SCRN1: variants seen among roughly 807,000 people sequenced by gnomAD.
The protein encoded by SCRN1 is secernin 1.
In SCRN1, 19 loss-of-function variants were observed where a neutral mutation model predicts 43.3. That is an observed-to-expected ratio of 0.44 (90% CI 0.31 to 0.64). The LOEUF is 0.64. SCRN1 is among the 30% of genes least tolerant of loss of function. The pLI is 0.09. For synonymous variants in SCRN1, 183 were observed against 188.9 expected, an observed-to-expected ratio of 0.97 and a Z score of 0.26; for missense variants, 447 against 524.1, an observed-to-expected ratio of 0.85 and a Z score of 1.44.
At chr7:29,968,277 G>A (rs908163827) in intron 2 of SCRN1, among the ~76,000 whole-genome samples, 1 of 152,150 alleles carries the variant, frequency 6.6e-6, no homozygotes, top group Non-Finnish European at 1.5e-5. Context: ...TCCATAGAAT[G>A]AAACACCATG....
chr7:29,990,190 C>G, upstream of SCRN1: 1 of 1,551,708 alleles, frequency 6.4e-7, no homozygotes, highest in Non-Finnish European at 8.7e-7. Flanking sequence ...ACCTTGTTGA[C>G]TCGCACGTCC....
At chr7:29,963,024 A>G (rs1340089118) in intron 2 of SCRN1, among the ~76,000 whole-genome samples, 2 of 151,908 alleles carry the variant, frequency 1.3e-5, no homozygotes, top group African/African-American at 4.8e-5. Context: ...AGTCACAGCA[A>G]TTCTCATTAG....
chr7:29,968,813 T>C, intron 2 of SCRN1, 96 bp downstream of exon 2: 1 of 1,469,526 alleles, frequency 6.8e-7, no homozygotes, highest in Non-Finnish European at 9.4e-7. Flanking sequence ...TAGCTCTGAC[T>C]TGTGAGCAAG....
intron 1 of SCRN1, among the ~76,000 whole-genome samples, chr7:29,977,176 G>A (rs1044937247): frequency 1.3e-5 from 2 of 152,168 alleles, no homozygotes; most frequent in Non-Finnish European, 2.9e-5. Context: ...CGTCTTGCAA[G>A]TACCGATGAC....
At chr7:29,959,825 C>T (rs2128095199) in intron 2 of SCRN1, among the ~76,000 whole-genome samples, 1 of 151,996 alleles carries the variant, frequency 6.6e-6, no homozygotes, top group African/African-American at 2.4e-5. Flanking sequence ...GAAGGAAGCC[C>T]TCTGCTAAGC....
intron 3 of SCRN1, among the ~76,000 whole-genome samples, chr7:29,954,692 T>C (rs1481290446): frequency 6.6e-6 from 1 of 152,202 alleles, no homozygotes; most frequent in African/African-American, 2.4e-5. Context: ...CTTTGTTCAT[T>C]TGTTTTTGAT....
At position 29,924,033 on chromosome 7, in the gene SCRN1, G is replaced by T. The variant is rs774198843; in HGVS notation, c.1169C>A (p.Ser390Tyr). ...LEAMEEILTSSEPLDPAEVGD... is the reference protein window; with the variant it reads ...LEAMEEILTSYEPLDPAEVGD... ...CACTTCCGCAGGGTCCAGTGGCTCG[G>T]AGCTGGTCAGGATTTCTTCCATGGC... Residue 390 changes from serine to tyrosine, a missense_variant, in exon 8 of 8, where the codon TCC (serine) becomes TAC (tyrosine). Transcript: ENST00000242059. 2 of 1,614,162 alleles carry T rather than the reference G, an allele frequency of 1.2e-6. No homozygotes were observed. The highest frequency in any genetic ancestry group is 1.7e-6 in the Non-Finnish European group (2 of 1,180,034).
At chr7:29,989,931 G>A (rs919015216), upstream of SCRN1, 11 of 1,142,440 alleles carry the variant, frequency 9.6e-6, 1 homozygote, top group South Asian at 4.3e-5. Flanking sequence ...CACGGGCCGC[G>A]GCGCTGCTCA....
In SCRN1 at chr7:29,923,689, T is replaced by C. The variant is rs1786844990; in HGVS notation, c.*268A>G. 1 of 350,362 alleles carries C rather than the reference T, an allele frequency of 2.9e-6. No individual in the cohort carries two copies. The highest frequency in any genetic ancestry group is 5.2e-6 in the Non-Finnish European group (1 of 191,750). 21.7% of individuals were successfully genotyped at this position (350,362 alleles called of 1,614,324 possible). ...TGTGTCCATTGCCACTGAAATACAA[T>C]AATAGCAGCTTAAAATCCACAATTA... On this transcript the variant is annotated 3_prime_UTR_variant, in exon 8 of 8. Transcript: ENST00000242059.
rs748575736 is a variant in SCRN1 at position 29,955,241 on chromosome 7, T to C, written c.279A>G (p.Glu93=). 1 of 1,614,192 alleles carries C rather than the reference T, an allele frequency of 6.2e-7. No homozygotes were observed. Among genetic ancestry groups the C allele is most frequent in the South Asian group, 1.1e-5 (1 of 91,080 alleles). The part of the protein sequence containing the change: ...ANEHGVCIAN[E]AINTREPAAE... ...CAGCTGGCTCTCTGGTGTTGATGGC[T>C]TCATTGGCTATGCACACTCCATGTT... The change falls in exon 3 of 8, where the codon GAA becomes GAG. Residue 93 remains glutamate, a synonymous_variant. Coordinates refer to ENST00000242059, the MANE Select transcript of SCRN1 (RefSeq NM_014766.5).
chr7:29,954,815 G>C (rs1340414165), intron 3 of SCRN1, among the ~76,000 whole-genome samples: 1 of 152,054 alleles, frequency 6.6e-6, no homozygotes, highest in East Asian at 1.9e-4. Context: ...TGAGTAGCTG[G>C]GATTATAGGC....
At chr7:29,961,058 CTT>C (rs200892857) in intron 2 of SCRN1, among the ~76,000 whole-genome samples, 24,088 of 131,512 alleles carry the variant, frequency 0.18, 2,020 homozygotes, top group Middle Eastern at 0.25. Context: ...GATCTTATTT[CTT>C]TTTTTTTTTT....
chr7:29,990,018 C>A, upstream of SCRN1: 1 of 1,457,502 alleles, frequency 6.9e-7, no homozygotes, highest in African/African-American at 1.4e-5. Context: ...GTGGCCCCCT[C>A]TTTGCTAGAT....
chr7:29,987,815 G>A lies in SCRN1; in HGVS notation c.-2+1827C>T, dbSNP rs754940962. ...TGGATTTGGGTTCTCACTGCCAGTT[G>A]ACAGCCAGATATATGATCTTGGCGT... On this transcript the variant is annotated intron_variant, in intron 1 of 7. Transcript: ENST00000242059. Among the ~76,000 whole-genome samples the A allele has an allele frequency of 4.4e-4, 67 of 152,312 alleles. 1 individual carries two copies. Among genetic ancestry groups the A allele is most frequent in the Middle Eastern group, 6.8e-3 (2 of 294 alleles).
At chr7:29,926,722 AAG>A in intron 6 of SCRN1, 90 bp from the exon 7 acceptor site, 1 of 1,214,426 alleles carries the variant, frequency 8.2e-7, no homozygotes, top group Non-Finnish European at 1.1e-6. Flanking sequence ...AACATTTCCC[AAG>A]CCAACTTATG....
chr7:29,957,818 G>A (rs1468310865), intron 2 of SCRN1, among the ~76,000 whole-genome samples: 2 of 152,194 alleles, frequency 1.3e-5, no homozygotes, highest in Non-Finnish European at 2.9e-5. Context: ...AAGAGAGGAA[G>A]GGGCATGTGA....
intron 2 of SCRN1, among the ~76,000 whole-genome samples, chr7:29,963,140 A>T (rs575557667): frequency 5.3e-5 from 8 of 152,286 alleles, no homozygotes; most frequent in Admixed American, 3.9e-4. Context: ...TAAAGCCTGT[A>T]ATGCAGGCAG....
At chr7:29,986,768 A>AGG in intron 1 of SCRN1, among the ~76,000 whole-genome samples, 1 of 121,102 alleles carries the variant, frequency 8.3e-6, no homozygotes, top group East Asian at 2.4e-4. Flanking sequence ...TCTGTCGCCC[A>AGG]GGCTGGAGTG....
At position 29,922,078 on chromosome 7, in the gene SCRN1, A is replaced by G. The variant is rs906208384; in HGVS notation, c.*1879T>C. On this transcript the variant is annotated 3_prime_UTR_variant, in exon 8 of 8. Transcript: ENST00000242059. ...ACAGTGATAGAAAGACACTTTTAGA[A>G]TAGCCGCCCCACCTAAAAGGACACT... 1 of 152,116 alleles carries G rather than the reference A, an allele frequency of 6.6e-6. No homozygotes were observed. The highest frequency in any genetic ancestry group is 2.4e-5 in the African/African-American group (1 of 41,422). 9.4% of individuals were successfully genotyped at this position (152,116 alleles called of 1,614,324 possible). A position where few individuals can be genotyped will look rare whatever the true frequency, so the allele number is the denominator to read the frequency against.
Sources: allele counts gnomAD v4.1 joint callset (sites outside exome capture counted in the v4.1 genomes callset), GRCh38; gene constraint gnomAD v4.1.1; transcripts MANE v1.5; gene names NCBI Gene and HGNC (gene_info 2026-07-23, HGNC 2026-07-21).